Variants in CABLES1 observed in about 807,000 individuals in gnomAD.
The protein encoded by CABLES1 is Cdk5 and Abl enzyme substrate 1.
A neutral mutation model predicts 57.8 loss-of-function variants in CABLES1; 36 were observed. That is an observed-to-expected ratio of 0.62 (90% confidence interval 0.48 to 0.82). CABLES1 has a LOEUF of 0.82. Ranked by LOEUF, CABLES1 falls within the 40% of genes least tolerant of loss-of-function variation. The probability of loss-of-function intolerance (pLI) is 0.00; values close to 1 mark genes in which losing one functional copy is unlikely to be tolerated. For synonymous variants in CABLES1, 374 were observed against 363.0 expected (o/e 1.03, Z -0.35); for missense variants, 767 against 836.6 (o/e 0.92, Z 1.03).
rs191660349 is a variant in CABLES1 at position 23,251,344 on chromosome 18, G to A, written c.1447-1616G>A. Reference sequence around the variant, plus strand: ...CACATGCCTGTAGTTCCAGCTACTCGGAAGGCTGAGGCAGGAGAATTGCTT... The same window carrying A: ...CACATGCCTGTAGTTCCAGCTACTCAGAAGGCTGAGGCAGGAGAATTGCTT... On this transcript the variant is annotated intron_variant, in intron 7 of 9. Transcript: ENST00000256925. 1.4e-4 allele frequency among the ~76,000 whole-genome samples: 21 copies of A among 152,254 alleles called. No individual in the cohort carries two copies. The East Asian group carries it at 2.5e-3, about 18-fold the overall frequency.
chr18:23,220,131 G>A (rs2047475758), intron 4 of CABLES1, among the ~76,000 whole-genome samples: 1 of 152,174 alleles, frequency 6.6e-6, no homozygotes, highest in Non-Finnish European at 1.5e-5. Context: ...GACTGCCCGA[G>A]TATCTAACAG....
chr18:23,260,298 G>C lies in CABLES1; in HGVS notation c.*2931G>C, dbSNP rs901109176. 2.0e-5 allele frequency: 3 copies of C among 152,234 alleles called. No individual in the cohort carries two copies. Among genetic ancestry groups the C allele is most frequent in the African/African-American group, 7.2e-5 (3 of 41,436 alleles). The allele number at this position is 152,234 out of a possible 1,614,324, so 9.4% of individuals were successfully genotyped here. On this transcript the variant is annotated 3_prime_UTR_variant, in exon 10 of 10. Transcript: ENST00000256925. ...GTTCCGATCACAGATTTCCCTGCCA[G>C]GGTGTCTGTGGTTATCAGCTGCAGG... is the stretch of plus-strand genomic sequence containing the variant.
chr18:23,182,173 G>T (rs1220931939), intron 1 of CABLES1, among the ~76,000 whole-genome samples: 1 of 152,226 alleles, frequency 6.6e-6, no homozygotes, highest in Admixed American at 6.5e-5. Flanking sequence ...CACAGAACTG[G>T]TTCTTCACAC....
Position 23,257,483 on chromosome 18 carries a change from G to GAAGA in CABLES1, c.*117_*118insAGAA. On this transcript the variant is annotated 3_prime_UTR_variant, in exon 10 of 10. Transcript: ENST00000256925. ...AGAATACCAGACTTTTCTTCCTCTC[G>GAAGA]ACATAGTTTGGGGAGAAGCAGTACT... 1 of 1,197,822 alleles carries GAAGA rather than the reference G, an allele frequency of 8.3e-7. No homozygotes were observed. 74.2% of individuals were successfully genotyped at this position (1,197,822 alleles called of 1,614,324 possible). A position where few individuals can be genotyped will look rare whatever the true frequency, so the allele number is the denominator to read the frequency against.
At chr18:23,207,463 A>G (rs914504362) in intron 3 of CABLES1, among the ~76,000 whole-genome samples, 5 of 152,186 alleles carry the variant, frequency 3.3e-5, no homozygotes, top group Non-Finnish European at 7.3e-5. Context: ...GGTCTCAGTT[A>G]TCACTTGCTC....
chr18:23,181,496 CAAAAAAAAAAAAAA>C (rs59742943), intron 1 of CABLES1, among the ~76,000 whole-genome samples: 27 of 35,410 alleles, frequency 7.6e-4, no homozygotes, highest in East Asian at 3.0e-3. Flanking sequence ...AGCTTCGTCT[CAAAAAAAAAAAAAA>C]AAAAAAAAAA....
chr18:23,149,300 T>C (rs1211007574), intron 1 of CABLES1, among the ~76,000 whole-genome samples: 1 of 152,084 alleles, frequency 6.6e-6, no homozygotes, highest in Non-Finnish European at 1.5e-5. Flanking sequence ...CTACTTTTTT[T>C]TGAGATGGAG....
At chr18:23,199,641 T>A (rs1056079715) in intron 3 of CABLES1, among the ~76,000 whole-genome samples, 3 of 152,104 alleles carry the variant, frequency 2.0e-5, no homozygotes, top group Admixed American at 6.5e-5. Flanking sequence ...TCCAGAATAG[T>A]CCATAGAGAC....
At chr18:23,159,478 G>A (rs185506914) in intron 1 of CABLES1, among the ~76,000 whole-genome samples, 45 of 152,300 alleles carry the variant, frequency 3.0e-4, no homozygotes, top group African/African-American at 1.1e-3. Flanking sequence ...AGAGAGAAAG[G>A]CACCTTTCCT....
intron 4 of CABLES1, chr18:23,219,205 GTCTC>G (rs1002084999): frequency 4.4e-6 from 2 of 454,036 alleles, no homozygotes; most frequent in Middle Eastern, 6.8e-4. Flanking sequence ...AAGAGAAAAT[GTCTC>G]TCTGTGTGTG....
intron 1 of CABLES1, among the ~76,000 whole-genome samples, chr18:23,173,742 C>A (rs898524040): frequency 6.6e-6 from 1 of 152,134 alleles, no homozygotes; most frequent in Non-Finnish European, 1.5e-5. Context: ...GTGGGTGGAT[C>A]GCTTGCGCTC....
At chr18:23,175,330 A>G (rs1436555909) in intron 1 of CABLES1, among the ~76,000 whole-genome samples, 2 of 152,192 alleles carry the variant, frequency 1.3e-5, no homozygotes, top group African/African-American at 2.4e-5. Context: ...GGGAGAAAAA[A>G]GCACTCTGCT....
chr18:23,236,196 A>G lies in CABLES1; in HGVS notation c.1342+145A>G. On this transcript the variant is annotated intron_variant, in intron 6 of 9. Transcript: ENST00000256925. ...TTTTAGGAAAGCCTGATCTCAAGCC[A>G]TGCAGGCCCGCAATGAAGCCGCAGG... is the stretch of plus-strand genomic sequence containing the variant. The G allele has an allele frequency of 7.0e-6, 6 of 852,154 alleles. No homozygotes were observed. The South Asian group carries it at 1.0e-4, about 15-fold the overall frequency. The allele number at this position is 852,154 out of a possible 1,614,324, so 52.8% of individuals were successfully genotyped here.
intron 1 of CABLES1, among the ~76,000 whole-genome samples, chr18:23,158,800 C>T (rs1046247771): frequency 1.3e-5 from 2 of 152,126 alleles, no homozygotes; most frequent in Non-Finnish European, 2.9e-5. Flanking sequence ...AAAGAGATGC[C>T]GCAAAGCAGC....
At chr18:23,247,626 A>C (rs1219068067) in intron 7 of CABLES1, among the ~76,000 whole-genome samples, 1 of 152,200 alleles carries the variant, frequency 6.6e-6, no homozygotes, top group Non-Finnish European at 1.5e-5. Flanking sequence ...GGAGGCACAG[A>C]GCTCCTAACC....
intron 7 of CABLES1, among the ~76,000 whole-genome samples, chr18:23,249,539 G>C (rs922214644): frequency 6.6e-6 from 1 of 152,224 alleles, no homozygotes; most frequent in African/African-American, 2.4e-5. Context: ...CTGGAGCAGA[G>C]TCCAGACTTG....
intron 3 of CABLES1, among the ~76,000 whole-genome samples, chr18:23,207,306 G>T (rs1176755594): frequency 6.6e-6 from 1 of 152,190 alleles, no homozygotes; most frequent in African/African-American, 2.4e-5. Flanking sequence ...GGAAACGCTG[G>T]TGAGTCAGGC....
intron 3 of CABLES1, among the ~76,000 whole-genome samples, chr18:23,212,651 C>T (rs1053055456): frequency 7.2e-5 from 11 of 152,194 alleles, no homozygotes; most frequent in South Asian, 4.1e-4. Context: ...GGGGCCACCA[C>T]GCACTAAACC....
chr18:23,141,233 G>T (rs2046855875), intron 1 of CABLES1, among the ~76,000 whole-genome samples: 1 of 152,164 alleles, frequency 6.6e-6, no homozygotes. Context: ...CAGAGCTCAG[G>T]CTCACTATTG....
Sources: gnomAD v4.1 joint callset for allele counts (sites outside exome capture counted in the v4.1 genomes callset) on GRCh38, gnomAD v4.1.1 for gene constraint, MANE v1.5 for transcripts, NCBI Gene and HGNC (gene_info 2026-07-23, HGNC 2026-07-21) for gene names.